CLEC16A: variants seen among roughly 807,000 people sequenced by gnomAD.
CLEC16A encodes the protein protein CLEC16A.
Under a neutral mutation model 109.5 loss-of-function variants are expected in CLEC16A, and 51 were observed. The observed-to-expected ratio is 0.47, with a 90% CI of 0.37 to 0.59. The LOEUF (loss-of-function observed/expected upper bound fraction) is 0.59, where lower values mean the gene tolerates loss of function less well. CLEC16A is among the 20% of genes least tolerant of loss of function. CLEC16A has a pLI of 0.00. For synonymous variants in CLEC16A, 673 were observed against 564.2 expected (o/e 1.19, Z -2.73); for missense variants, 1,339 against 1,394.0 (o/e 0.96, Z 0.63).
At chr16:11,096,911 G>T (rs1022187200) in intron 19 of CLEC16A, among the ~76,000 whole-genome samples, 1 of 152,086 alleles carries the variant, frequency 6.6e-6, no homozygotes, top group African/African-American at 2.4e-5. Context: ...TCACATAAAC[G>T]GTACAGGTGG....
At chr16:11,125,904 T>TGGGGGGGGGGGGGGGGGGGGCGGGGGG in intron 21 of CLEC16A, 75 bp from the exon 22 acceptor site, 1 of 182,596 alleles carries the variant, frequency 5.5e-6, no homozygotes, top group Non-Finnish European at 1.1e-5. Context: ...CACTACGATG[T>TGGGGGGGGGGGGGGGGGGGGCGGGGGG]CCCCCCCCCC....
intron 22 of CLEC16A, among the ~76,000 whole-genome samples, chr16:11,139,567 CAG>C (rs1245810868): frequency 6.6e-6 from 1 of 152,232 alleles, no homozygotes; most frequent in Non-Finnish European, 1.5e-5. Flanking sequence ...GCTGAAGCCT[CAG>C]AGTAATCACA....
intron 19 of CLEC16A, among the ~76,000 whole-genome samples, chr16:11,091,735 T>A (rs116490817): frequency 0.045 from 6,824 of 152,230 alleles, 550 homozygotes; most frequent in African/African-American, 0.16. Context: ...GCACGATGCC[T>A]GAAACACAGC....
intron 3 of CLEC16A, among the ~76,000 whole-genome samples, chr16:10,963,603 C>T (rs1187291078): frequency 1.3e-5 from 2 of 152,224 alleles, no homozygotes; most frequent in Admixed American, 1.3e-4. Flanking sequence ...TTCAGTCCCT[C>T]CACCCAGCTA....
At chr16:11,086,027 G>A (rs561049708) in intron 19 of CLEC16A, among the ~76,000 whole-genome samples, 3 of 152,360 alleles carry the variant, frequency 2.0e-5, no homozygotes, top group South Asian at 2.1e-4. Context: ...AGTAATAGCC[G>A]CTTCACAGGG....
At chr16:11,085,150 C>T (rs2049941664) in intron 19 of CLEC16A, among the ~76,000 whole-genome samples, 2 of 152,238 alleles carry the variant, frequency 1.3e-5, no homozygotes, top group Non-Finnish European at 2.9e-5. Context: ...TCTCGGCCAG[C>T]ACCAAGCACT....
At chr16:10,969,398 G>C (rs1201562104) in intron 4 of CLEC16A, 89 bp downstream of exon 4, 2 of 915,622 alleles carry the variant, frequency 2.2e-6, no homozygotes, top group Admixed American at 3.3e-5. Context: ...ATATCTGGAT[G>C]GTCTTGTGTC....
chr16:11,003,024 C>A lies in CLEC16A; in HGVS notation c.1072-50C>A, dbSNP rs202185720. 32 of 1,457,284 alleles carry A rather than the reference C, an allele frequency of 2.2e-5. 1 individual carries two copies. The South Asian group carries it at 4.0e-4, about 18-fold the overall frequency. 90.3% of individuals were successfully genotyped at this position (1,457,284 alleles called of 1,614,324 possible). A position where few individuals can be genotyped will look rare whatever the true frequency, so the allele number is the denominator to read the frequency against. On this transcript the variant is annotated intron_variant, in intron 10 of 23. Coordinates refer to ENST00000409790, the MANE Select transcript of CLEC16A (RefSeq NM_015226.3). ...TTTTGGGCAACTTGATAGCATCCAG[C>A]AGGATTCTAGTGTTCAAATTCACCT...
chr16:11,113,804 G>A (rs534086006), intron 19 of CLEC16A, among the ~76,000 whole-genome samples: 1 of 152,320 alleles, frequency 6.6e-6, no homozygotes, highest in African/African-American at 2.4e-5. Flanking sequence ...TTACACAGAA[G>A]GAATAAACAC....
At chr16:11,111,158 A>G (rs1446213609) in intron 19 of CLEC16A, among the ~76,000 whole-genome samples, 1 of 152,202 alleles carries the variant, frequency 6.6e-6, no homozygotes, top group East Asian at 1.9e-4. Context: ...GCACTAAATT[A>G]AATTACCATC....
At chr16:11,054,142 A>G (rs917023929) in intron 18 of CLEC16A, among the ~76,000 whole-genome samples, 1 of 152,204 alleles carries the variant, frequency 6.6e-6, no homozygotes, top group East Asian at 1.9e-4. Context: ...GGAGCCTTGG[A>G]GCCCCTTGAG....
chr16:11,164,291 G>A lies in CLEC16A; in HGVS notation c.2642-2097G>A, dbSNP rs536753372. 2.0e-5 allele frequency among the ~76,000 whole-genome samples: 3 copies of A among 152,316 alleles called. No homozygotes were observed. The East Asian group carries it at 5.8e-4, about 29-fold the overall frequency. ...CCCCATGCACTTGCCATTATAGTCAGCGCTTGTTAAGTCACCCCCAAAACC... is the reference window on the plus strand; with the variant it reads ...CCCCATGCACTTGCCATTATAGTCAACGCTTGTTAAGTCACCCCCAAAACC... On this transcript the variant is annotated intron_variant, in intron 22 of 23. Coordinates refer to ENST00000409790, the MANE Select transcript of CLEC16A (RefSeq NM_015226.3).
At chr16:11,034,811 G>T (rs1280422681) in intron 13 of CLEC16A, among the ~76,000 whole-genome samples, 2 of 152,332 alleles carry the variant, frequency 1.3e-5, no homozygotes, top group South Asian at 2.1e-4. Flanking sequence ...GTTTATTTCT[G>T]TCAGAGGGAA....
chr16:11,120,707 G>A lies in CLEC16A; in HGVS notation c.2209G>A (p.Val737Met). ...TGTGGATATTTACCAGATGAGTTTG[G>A]TGGAGCCTGATGTGTCCAGGCTTGG... ...LAVDIYQMSL[V>M]EPDVSRLGWG... Residue 737 changes from valine to methionine, a missense_variant, in exon 20 of 24, where the codon GTG becomes ATG. Physicochemically the swap from Val to Met is conservative, Grantham distance 21 (BLOSUM62 1). This residue lies in a region of CLEC16A where 1,061 missense variants were observed against 1,006.8 expected (regional missense o/e 1.05). Transcript: ENST00000409790. 6.2e-7 allele frequency: 1 copy of A among 1,608,296 alleles called. No homozygotes were observed. Among genetic ancestry groups the A allele is most frequent in the Non-Finnish European group, 8.5e-7 (1 of 1,177,332 alleles).
chr16:11,065,476 C>G lies in CLEC16A; in HGVS notation c.2116+4454C>G, dbSNP rs76441328. 5.9e-5 allele frequency among the ~76,000 whole-genome samples: 9 copies of G among 152,344 alleles called. No individual in the cohort carries two copies. The East Asian group carries it at 1.3e-3, about 23-fold the overall frequency. ...TTCATGCATTCAGCTATTTATTGAG[C>G]ACCTGCTGTATGCCAGGCACAGTGC... On this transcript the variant is annotated intron_variant, in intron 19 of 23. Coordinates refer to ENST00000409790, the MANE Select transcript of CLEC16A (RefSeq NM_015226.3).
At chr16:11,152,220 G>C (rs1228135541) in intron 22 of CLEC16A, among the ~76,000 whole-genome samples, 1 of 152,200 alleles carries the variant, frequency 6.6e-6, no homozygotes, top group Non-Finnish European at 1.5e-5. Context: ...GGAAGCCTTA[G>C]GCCGGTCATC....
chr16:11,089,804 G>A (rs994979537), intron 19 of CLEC16A, among the ~76,000 whole-genome samples: 2 of 152,186 alleles, frequency 1.3e-5, no homozygotes, highest in East Asian at 3.9e-4. Context: ...GGCATGACTC[G>A]CAGCATGGGC....
At chr16:11,065,344 TG>T (rs2048703654) in intron 19 of CLEC16A, among the ~76,000 whole-genome samples, 2 of 152,358 alleles carry the variant, frequency 1.3e-5, no homozygotes, top group South Asian at 4.1e-4. Context: ...CCTGTTCATG[TG>T]GGCACCTAAC....
intron 23 of CLEC16A, among the ~76,000 whole-genome samples, chr16:11,171,040 G>A (rs2068489472): frequency 1.3e-5 from 2 of 152,204 alleles, no homozygotes; most frequent in South Asian, 4.1e-4. Flanking sequence ...GAGACCAGTG[G>A]ATTCCTTTTG....
Sources: allele counts gnomAD v4.1 joint callset (sites outside exome capture counted in the v4.1 genomes callset), GRCh38; gene constraint gnomAD v4.1.1; regional missense constraint gnomAD v4.1.1; transcripts MANE v1.5; gene names NCBI Gene and HGNC (gene_info 2026-07-23, HGNC 2026-07-21).